HUS1: variants seen among roughly 807,000 people sequenced by gnomAD.
HUS1 encodes the protein checkpoint protein HUS1.
HUS1 carries 31 observed loss-of-function variants against 32.6 expected under a neutral mutation model. The observed-to-expected ratio is 0.95, with a 90% CI of 0.72 to 1.28. The LOEUF (loss-of-function observed/expected upper bound fraction) is 1.28. Among genes scored for constraint, HUS1 ranks in the 50% most tolerant of loss-of-function variants. The probability of loss-of-function intolerance (pLI) is 0.00; values close to 1 mark genes in which losing one functional copy is unlikely to be tolerated. For synonymous variants in HUS1, 123 were observed against 116.6 expected, an observed-to-expected ratio of 1.06 and a Z score of -0.36; for missense variants, 340 against 337.7, an observed-to-expected ratio of 1.01 and a Z score of -0.05.
chr7:47,965,692 G>A (rs887668738), intron 7 of HUS1, among the ~76,000 whole-genome samples: 3 of 152,184 alleles, frequency 2.0e-5, no homozygotes, highest in African/African-American at 7.2e-5. Context: ...CACCCAGCAG[G>A]CTGGCTTCCT....
chr7:47,977,035 G>T (rs1562590870), intron 3 of HUS1, among the ~76,000 whole-genome samples, 198 bp from the exon 4 acceptor site: 1 of 119,824 alleles, frequency 8.3e-6, no homozygotes, highest in African/African-American at 2.7e-5. Context: ...TCCAGGAACT[G>T]GGAAGTGTGG....
Position 47,978,806 on chromosome 7 carries a change from G to C in HUS1, c.63C>G (p.Asn21Lys). 6.2e-7 allele frequency: 1 copy of C among 1,614,004 alleles called. No homozygotes were observed. The highest frequency in any genetic ancestry group is 8.5e-7 in the Non-Finnish European group (1 of 1,179,980). ...AGGTTTTGGCAAGCTTGGCTATCATGTTACTGATTCCTAAAGCAGGGGTTA... is the reference window on the plus strand; with the variant it reads ...AGGTTTTGGCAAGCTTGGCTATCATCTTACTGATTCCTAAAGCAGGGGTTA... ...ACLNHFTRIS[N>K]MIAKLAKTCT... Residue 21 changes from asparagine (N) to lysine (K), a missense_variant, in exon 2 of 8, where the codon AAC (asparagine) becomes AAG (lysine). Coordinates refer to ENST00000258774, the MANE Select transcript of HUS1 (RefSeq NM_004507.4).
At position 47,965,102 on chromosome 7, in the gene HUS1, G is replaced by A. The variant is rs1788450937; in HGVS notation, c.*254C>T. 2.9e-6 allele frequency: 1 copy of A among 349,678 alleles called. No individual in the cohort carries two copies. Among genetic ancestry groups the A allele is most frequent in the African/African-American group, 2.0e-5 (1 of 49,462 alleles). The allele number at this position is 349,678 out of a possible 1,614,324, so 21.7% of individuals were successfully genotyped here. A position where few individuals can be genotyped will look rare whatever the true frequency, so the allele number is the denominator to read the frequency against. On this transcript the variant is annotated 3_prime_UTR_variant, in exon 8 of 8. Transcript: ENST00000258774. ...AATGAGAAATTGTTCTTTAAAGTCT[G>A]AATAAATAAATTCTAGCTTTTCTTT...
chr7:47,977,747 A>G (rs1788735702), intron 3 of HUS1, among the ~76,000 whole-genome samples: 1 of 152,122 alleles, frequency 6.6e-6, no homozygotes, highest in Admixed American at 6.5e-5. Context: ...TACAAAAATT[A>G]GCTGGGTGTG....
chr7:47,972,076 C>T (rs1350642626), intron 5 of HUS1, among the ~76,000 whole-genome samples: 2 of 152,070 alleles, frequency 1.3e-5, no homozygotes, highest in Non-Finnish European at 2.9e-5. Flanking sequence ...GTTATATTTC[C>T]TAACCCGTTT....
rs1229068224 is a variant in HUS1 at position 47,967,829 on chromosome 7, A to G, written c.737T>C (p.Val246Ala). The change falls in exon 7 of 8, where the codon GTA becomes GCA. Residue 246 changes from valine to alanine, a missense_variant. By Grantham distance (64) the Val-to-Ala change is moderately conservative. Transcript: ENST00000258774. ...ACTGCATAAGGCCTTTGTGGGATTT[A>G]CTTGTTGTCCAGCAAGAAACTGTAG... is the stretch of plus-strand genomic sequence containing the variant. ...KLLQFLAGQQ[V>A]NPTKALCNIV... The G allele has an allele frequency of 2.5e-6, 4 of 1,613,718 alleles. No homozygotes were observed. The highest frequency in any genetic ancestry group is 3.4e-6 in the Non-Finnish European group (4 of 1,179,896).
chr7:47,967,730 ATC>A, intron 7 of HUS1, 74 bp downstream of exon 7: 1 of 1,266,630 alleles, frequency 7.9e-7, no homozygotes, highest in South Asian at 1.7e-5. Flanking sequence ...ACTATATGCA[ATC>A]TGTTAGACTA....
chr7:47,979,388 G>T, intron 1 of HUS1, 80 bp downstream of exon 1: 1 of 1,531,850 alleles, frequency 6.5e-7, no homozygotes. Flanking sequence ...TCCCCGTTCT[G>T]ATCCTCCTGC....
At position 47,965,282 on chromosome 7, in the gene HUS1, G is replaced by A. The variant is rs984157258; in HGVS notation, c.*74C>T. ...TGCGGTGCTGTGAGGGCACAGACCA[G>A]TGATCAGAACACAACACCTGCGGCC... On this transcript the variant is annotated 3_prime_UTR_variant, in exon 8 of 8. Transcript: ENST00000258774. 1 of 932,448 alleles carries A rather than the reference G, an allele frequency of 1.1e-6. No individual in the cohort carries two copies. The highest frequency in any genetic ancestry group is 1.7e-5 in the Admixed American group (1 of 58,524). The allele number at this position is 932,448 out of a possible 1,614,324, so 57.8% of individuals were successfully genotyped here. A position where few individuals can be genotyped will look rare whatever the true frequency, so the allele number is the denominator to read the frequency against.
chr7:47,975,472 C>A, intron 5 of HUS1, 141 bp downstream of exon 5: 1 of 652,448 alleles, frequency 1.5e-6, no homozygotes, highest in Non-Finnish European at 2.8e-6. Context: ...TCTGCAGGTT[C>A]TCAGCACCAG....
At chr7:47,975,433 T>C (rs1788682247) in intron 5 of HUS1, among the ~76,000 whole-genome samples, 180 bp downstream of exon 5, 1 of 152,122 alleles carries the variant, frequency 6.6e-6, no homozygotes, top group South Asian at 2.1e-4. Flanking sequence ...TGAAAAGTAT[T>C]GGAATAGGTT....
At chr7:47,979,001 A>T (rs1475835535) in intron 1 of HUS1, 185 bp from the exon 2 acceptor site, 3 of 606,138 alleles carry the variant, frequency 4.9e-6, no homozygotes, top group Non-Finnish European at 8.7e-6. Context: ...AAACTAGGGG[A>T]GATGTACAGC....
In HUS1 at chr7:47,978,662, G is replaced by A. The variant is rs752589040; in HGVS notation, c.180+27C>T. On this transcript the variant is annotated intron_variant, in intron 2 of 7. Coordinates refer to ENST00000258774, the MANE Select transcript of HUS1 (RefSeq NM_004507.4). ...TTTCCAGTGACAATCTGCAGAGTGT[G>A]CAGGCCTCTCAGAAGCTTTTGCTCA... The A allele has an allele frequency of 2.7e-5, 44 of 1,613,708 alleles. No homozygotes were observed. The Admixed American group carries it at 6.7e-4, about 24-fold the overall frequency.
In HUS1 at chr7:47,977,139, G is replaced by A. The variant is rs182642524; in HGVS notation, c.358-302C>T. On this transcript the variant is annotated intron_variant, in intron 3 of 7. Coordinates refer to ENST00000258774, the MANE Select transcript of HUS1 (RefSeq NM_004507.4). ...ACTGTATGAAATGCTCATTATAGCC[G>A]TGAGAAAGCACTCCACAGAGACCAG... 1.9e-3 allele frequency among the ~76,000 whole-genome samples: 284 copies of A among 152,234 alleles called. 2 individuals are homozygous for A. Among genetic ancestry groups the A allele is most frequent in the African/African-American group, 6.4e-3 (267 of 41,542 alleles).
At chr7:47,979,344 G>A (rs1788777049) in intron 1 of HUS1, 124 bp downstream of exon 1, 5 of 220,616 alleles carry the variant, frequency 2.3e-5, no homozygotes, top group South Asian at 5.6e-5. Flanking sequence ...CCCCCATCCC[G>A]GCCCCATCCT....
Position 47,979,523 on chromosome 7 carries a change from C to T in HUS1, c.-4G>A, listed in dbSNP as rs756512766. On this transcript the variant is annotated 5_prime_UTR_variant, in exon 1 of 8. Coordinates refer to ENST00000258774, the MANE Select transcript of HUS1 (RefSeq NM_004507.4). ...CGATCTTGGCCCGAAACTTCATGGC[C>T]GCGGATGGCGCAGCCGCGGCGGGCC... 2 of 1,607,740 alleles carry T rather than the reference C, an allele frequency of 1.2e-6. No homozygotes were observed. Among genetic ancestry groups the T allele is most frequent in the South Asian group, 1.1e-5 (1 of 91,020 alleles).
At chr7:47,979,080 T>C (rs3176499) in intron 1 of HUS1, among the ~76,000 whole-genome samples, 7,027 of 152,174 alleles carry the variant, frequency 0.046, 334 homozygotes, top group African/African-American at 0.12. Context: ...CATGGATTTA[T>C]TGACTACTAG....
At position 47,965,557 on chromosome 7, in the gene HUS1, A is replaced by G. The variant is rs373870406; in HGVS notation, c.761-119T>C. On this transcript the variant is annotated intron_variant, in intron 7 of 7. Transcript: ENST00000258774. ...CTGTTTTAGGCATCTGTCTTCCCTGAGGCAGCTGCAGAGACCACAGTCTCT... is the reference window on the plus strand; with the variant it reads ...CTGTTTTAGGCATCTGTCTTCCCTGGGGCAGCTGCAGAGACCACAGTCTCT... The G allele has an allele frequency of 4.5e-5, 30 of 662,312 alleles. No homozygotes were observed. In the East Asian group the frequency reaches 7.5e-4, roughly 16 times the overall value. The allele number at this position is 662,312 out of a possible 1,614,324, so 41.0% of individuals were successfully genotyped here.
At chr7:47,970,144 A>C (rs989217838) in intron 5 of HUS1, among the ~76,000 whole-genome samples, 11 of 147,994 alleles carry the variant, frequency 7.4e-5, no homozygotes, top group African/African-American at 2.5e-4. Context: ...GAGGCAGGAG[A>C]ATGGCATGAA....
Sources: allele counts gnomAD v4.1 joint callset (sites outside exome capture counted in the v4.1 genomes callset), GRCh38; gene constraint gnomAD v4.1.1; transcripts MANE v1.5; gene names NCBI Gene and HGNC (gene_info 2026-07-23, HGNC 2026-07-21).